PLEKHA5: variants seen among roughly 807,000 people sequenced by gnomAD.
PLEKHA5 encodes pleckstrin homology domain-containing family A member 5.
PLEKHA5 carries 55 observed loss-of-function variants against 181.9 expected under a neutral mutation model. That is an observed-to-expected ratio of 0.30 (90% CI 0.24 to 0.38). The LOEUF is 0.38. PLEKHA5 is among the 10% of genes least tolerant of loss of function. The pLI is 1.00. For missense variants in PLEKHA5, 1,432 were observed against 1,549.5 expected (o/e 0.92, Z 1.27); for synonymous variants, 535 against 529.4 (o/e 1.01, Z -0.15).
intron 3 of PLEKHA5, among the ~76,000 whole-genome samples, chr12:19,211,086 T>A (rs1179578554): frequency 6.6e-6 from 1 of 152,172 alleles, no homozygotes; most frequent in Non-Finnish European, 1.5e-5. Context: ...CTTTTTCTTG[T>A]TTTTAATACT....
At chr12:19,239,252 T>A (rs2061995982) in intron 3 of PLEKHA5, among the ~76,000 whole-genome samples, 1 of 152,202 alleles carries the variant, frequency 6.6e-6, no homozygotes, top group African/African-American at 2.4e-5. Flanking sequence ...AACTAGCCTG[T>A]TGATAGCATG....
At chr12:19,267,384 A>G (rs2070821429) in intron 8 of PLEKHA5, among the ~76,000 whole-genome samples, 1 of 152,212 alleles carries the variant, frequency 6.6e-6, no homozygotes, top group South Asian at 2.1e-4. Flanking sequence ...CAGGCCGGGC[A>G]CAGGGGCTCA....
chr12:19,265,676 C>T, intron 7 of PLEKHA5, 74 bp from the exon 8 acceptor site: 1 of 839,116 alleles, frequency 1.2e-6, no homozygotes, highest in Non-Finnish European at 2.0e-6. Context: ...TTTGATTTGG[C>T]AAAAATAGAT....
In PLEKHA5 at chr12:19,306,530, G is replaced by C. The variant is rs780670389; in HGVS notation, c.2038-8284G>C. On this transcript the variant is annotated intron_variant, in intron 15 of 31. Transcript: ENST00000429027. ...GATGTGTTGAAGCAGGAGGGAGAAC[G>C]CCGCGAGCAGCGCCGTGAGCAACAC... is the stretch of plus-strand genomic sequence containing the variant. 6 of 740,304 alleles carry C rather than the reference G, an allele frequency of 8.1e-6. No homozygotes were observed. In the African/African-American group the frequency reaches 1.0e-4, roughly 13 times the overall value. The allele number at this position is 740,304 out of a possible 1,614,324, so 45.9% of individuals were successfully genotyped here. A position where few individuals can be genotyped will look rare whatever the true frequency, so the allele number is the denominator to read the frequency against.
At chr12:19,317,192 C>G (rs1373651468) in intron 16 of PLEKHA5, among the ~76,000 whole-genome samples, 1 of 152,070 alleles carries the variant, frequency 6.6e-6, no homozygotes, top group Non-Finnish European at 1.5e-5. Context: ...CAAAGCAAGA[C>G]CCTGTCTCTG....
chr12:19,356,431 G>T (rs1023516542), intron 26 of PLEKHA5, among the ~76,000 whole-genome samples: 2 of 151,468 alleles, frequency 1.3e-5, no homozygotes, highest in African/African-American at 4.8e-5. Context: ...AGATAGGGTG[G>T]ATCACTTGAG....
At chr12:19,312,060 T>C (rs1440702802) in intron 15 of PLEKHA5, among the ~76,000 whole-genome samples, 1 of 152,220 alleles carries the variant, frequency 6.6e-6, no homozygotes, top group Non-Finnish European at 1.5e-5. Context: ...ATCAGAGCTC[T>C]TGGGTAACTA....
chr12:19,135,889 T>C (rs1157658018), intron 3 of PLEKHA5, among the ~76,000 whole-genome samples: 1 of 151,664 alleles, frequency 6.6e-6, no homozygotes, highest in Admixed American at 6.6e-5. Flanking sequence ...TTGTTTTTTT[T>C]TTTTTTTTTG....
At chr12:19,141,497 T>A in intron 3 of PLEKHA5, among the ~76,000 whole-genome samples, 1 of 152,192 alleles carries the variant, frequency 6.6e-6, no homozygotes, top group Admixed American at 6.5e-5. Flanking sequence ...GAGGTCTTCT[T>A]ATAATATAGT....
intron 3 of PLEKHA5, chr12:19,151,315 A>G (rs1195163304): frequency 6.6e-6 from 1 of 152,248 alleles, no homozygotes; most frequent in Non-Finnish European, 1.5e-5. Flanking sequence ...ACTGTAGACT[A>G]GGTCAGGGAT....
intron 3 of PLEKHA5, among the ~76,000 whole-genome samples, chr12:19,203,813 C>T (rs2054753718): frequency 6.6e-6 from 1 of 151,452 alleles, no homozygotes; most frequent in Non-Finnish European, 1.5e-5. Flanking sequence ...CATATATAAC[C>T]TGTTCTCAAA....
At chr12:19,156,417 TTCA>T (rs2151395881) in intron 3 of PLEKHA5, among the ~76,000 whole-genome samples, 1 of 152,264 alleles carries the variant, frequency 6.6e-6, no homozygotes, top group Non-Finnish European at 1.5e-5. Flanking sequence ...TGATTTTTTT[TTCA>T]TGTTTTATTT....
intron 6 of PLEKHA5, among the ~76,000 whole-genome samples, 174 bp from the exon 7 acceptor site, chr12:19,260,775 G>A (rs554851008): frequency 2.5e-4 from 38 of 152,204 alleles, no homozygotes; most frequent in African/African-American, 8.7e-4. Context: ...CAGGAGAATC[G>A]CTTGAACCCA....
intron 3 of PLEKHA5, among the ~76,000 whole-genome samples, chr12:19,183,708 A>G (rs1235050295): frequency 6.6e-6 from 1 of 151,876 alleles, no homozygotes; most frequent in Non-Finnish European, 1.5e-5. Context: ...AAATTTTTTT[A>G]TTTTCTTTCT....
intron 25 of PLEKHA5, among the ~76,000 whole-genome samples, chr12:19,349,604 C>G (rs1358788560): frequency 3.3e-5 from 5 of 151,830 alleles, no homozygotes; most frequent in Non-Finnish European, 7.4e-5. Context: ...AGAGAACTAT[C>G]CTAGATTAAA....
intron 20 of PLEKHA5, among the ~76,000 whole-genome samples, chr12:19,332,038 C>G (rs558608433): frequency 6.6e-6 from 1 of 152,186 alleles, no homozygotes; most frequent in African/African-American, 2.4e-5. Context: ...AGGCTCACAC[C>G]TGTAATCCCA....
chr12:19,258,908 T>C (rs1429594700), intron 6 of PLEKHA5, among the ~76,000 whole-genome samples: 1 of 152,130 alleles, frequency 6.6e-6, no homozygotes, highest in Non-Finnish European at 1.5e-5. Context: ...CAGCTAGTCT[T>C]TCTAATAAGT....
At chr12:19,309,796 T>C (rs565050352) in intron 15 of PLEKHA5, among the ~76,000 whole-genome samples, 17 of 152,210 alleles carry the variant, frequency 1.1e-4, no homozygotes, top group Admixed American at 5.9e-4. Flanking sequence ...ACATTTGTGT[T>C]ACTGCAGTAG....
intron 3 of PLEKHA5, among the ~76,000 whole-genome samples, chr12:19,158,519 C>CT (rs1338699142): frequency 3.3e-5 from 5 of 151,796 alleles, no homozygotes; most frequent in Non-Finnish European, 4.4e-5. Flanking sequence ...CTTGATTTTT[C>CT]TTTTTTTTCA....
Sources: allele counts gnomAD v4.1 joint callset (sites outside exome capture counted in the v4.1 genomes callset), GRCh38; gene constraint gnomAD v4.1.1; transcripts MANE v1.5; gene names NCBI Gene and HGNC (gene_info 2026-07-23, HGNC 2026-07-21).